Variants in KSR1 observed in about 807,000 individuals in gnomAD.
The protein encoded by KSR1 is kinase suppressor of ras.
A neutral mutation model predicts 92.9 loss-of-function variants in KSR1; 35 were observed. The observed-to-expected ratio is 0.38, with a 90% CI of 0.29 to 0.50. The LOEUF (loss-of-function observed/expected upper bound fraction) is 0.50, where lower values mean the gene tolerates loss of function less well. Among genes scored for constraint, KSR1 ranks in the 20% least tolerant of loss-of-function variants. The pLI is 0.94. For missense variants in KSR1, 972 were observed against 1,158.5 expected (o/e 0.84, Z 2.34); for synonymous variants, 467 against 472.6 (o/e 0.99, Z 0.15).
chr17:27,610,949 C>G (rs2073897229), intron 17 of KSR1, among the ~76,000 whole-genome samples: 1 of 152,082 alleles, frequency 6.6e-6, no homozygotes, highest in Non-Finnish European at 1.5e-5. Context: ...GGAGAAAGTC[C>G]CATCCCAAGT....
chr17:27,513,927 T>C (rs1386622688), intron 1 of KSR1, among the ~76,000 whole-genome samples: 1 of 152,222 alleles, frequency 6.6e-6, no homozygotes, highest in African/African-American at 2.4e-5. Context: ...CAAGTGGGTT[T>C]GGTGCCCTTC....
At chr17:27,478,217 G>A (rs1798498383) in intron 1 of KSR1, among the ~76,000 whole-genome samples, 1 of 152,174 alleles carries the variant, frequency 6.6e-6, no homozygotes, top group African/African-American at 2.4e-5. Flanking sequence ...TAACCTCACA[G>A]CATTCCTAGG....
intron 1 of KSR1, among the ~76,000 whole-genome samples, chr17:27,476,312 C>G (rs765676037): frequency 4.6e-5 from 7 of 152,302 alleles, no homozygotes; most frequent in Non-Finnish European, 1.0e-4. Flanking sequence ...GAGCCAGTCC[C>G]AGATTCTGCT....
chr17:27,607,437 C>T (rs958782294), intron 14 of KSR1, among the ~76,000 whole-genome samples: 7 of 152,126 alleles, frequency 4.6e-5, no homozygotes, highest in Non-Finnish European at 8.8e-5. Flanking sequence ...CTACCCCACC[C>T]CCTTTCCCTC....
intron 3 of KSR1, among the ~76,000 whole-genome samples, chr17:27,581,739 A>G (rs975751482): frequency 1.2e-4 from 19 of 152,158 alleles, no homozygotes; most frequent in African/African-American, 4.6e-4. Context: ...CGACTCTACA[A>G]GCACAAGGAT....
At position 27,582,841 on chromosome 17, in the gene KSR1, C is replaced by T. The variant is rs1598079065; in HGVS notation, c.716C>T (p.Pro239Leu). 1 of 1,613,568 alleles carries T rather than the reference C, an allele frequency of 6.2e-7. No individual in the cohort carries two copies. The highest frequency in any genetic ancestry group is 1.1e-5 in the South Asian group (1 of 91,038). The stretch of plus-strand genomic sequence containing the variant: ...TCAGCTCTGCCCGCCTCAGACTCCC[C>T]CACCCCCAGCTTCAGTGAGGGCCTC... ...SVSALPASDSPTPSFSEGLSD... is the reference protein window; with the variant it reads ...SVSALPASDSLTPSFSEGLSD... Residue 239 changes from proline (P) to leucine (L), a missense_variant, in exon 4 of 21, where the codon CCC becomes CTC. Physicochemically the swap from Pro to Leu is moderately conservative, Grantham distance 98 (BLOSUM62 -3). Coordinates refer to ENST00000644974, the MANE Select transcript of KSR1 (RefSeq NM_001394583.1).
intron 11 of KSR1, among the ~76,000 whole-genome samples, chr17:27,602,284 G>T (rs149553707): frequency 6.6e-6 from 1 of 152,144 alleles, no homozygotes; most frequent in Non-Finnish European, 1.5e-5. Flanking sequence ...CAGCAGTCAG[G>T]GCCCTGAGAA....
At chr17:27,622,712 A>T (rs957825902) in intron 20 of KSR1, 1 of 154,138 alleles carries the variant, frequency 6.5e-6, no homozygotes, top group African/African-American at 2.4e-5. Context: ...ACAGCTGCCC[A>T]GTGTACCATA....
Position 27,621,178 on chromosome 17 carries a change from GCT to G in KSR1, c.2628-14_2628-13del. On this transcript the variant is annotated splice_polypyrimidine_tract_variant and intron_variant, in intron 19 of 20. Coordinates refer to ENST00000644974, the MANE Select transcript of KSR1 (RefSeq NM_001394583.1). ...TCTTCCCACGCCTGGTGGAATGGTC[GCT>G]GGGCACTCCCAGTCGCTGGAGGAGC... 2 of 398,596 alleles carry G rather than the reference GCT, an allele frequency of 5.0e-6. No individual in the cohort carries two copies. The highest frequency in any genetic ancestry group is 8.8e-6 in the Non-Finnish European group (2 of 226,082). 24.7% of individuals were successfully genotyped at this position (398,596 alleles called of 1,614,324 possible). A position where few individuals can be genotyped will look rare whatever the true frequency, so the allele number is the denominator to read the frequency against.
chr17:27,513,264 A>G (rs921615384), intron 1 of KSR1, among the ~76,000 whole-genome samples: 1 of 152,018 alleles, frequency 6.6e-6, no homozygotes, highest in Non-Finnish European at 1.5e-5. Flanking sequence ...CCTGTTGAAC[A>G]TTTTGTTTGT....
intron 2 of KSR1, among the ~76,000 whole-genome samples, chr17:27,561,803 C>T (rs536970061): frequency 6.6e-6 from 1 of 152,272 alleles, no homozygotes; most frequent in South Asian, 2.1e-4. Flanking sequence ...AAATCATGAG[C>T]ATGAATGTCC....
chr17:27,540,056 A>G (rs575716535), intron 1 of KSR1, among the ~76,000 whole-genome samples: 1 of 152,384 alleles, frequency 6.6e-6, no homozygotes, highest in East Asian at 1.9e-4. Context: ...CCCAGGAAGC[A>G]TCATGGGTGC....
intron 4 of KSR1, among the ~76,000 whole-genome samples, chr17:27,584,542 A>C (rs914440035): frequency 1.3e-5 from 2 of 152,212 alleles, no homozygotes; most frequent in African/African-American, 4.8e-5. Flanking sequence ...AGTGGGCTCA[A>C]CCCAGTCCCT....
chr17:27,583,163 A>G, intron 4 of KSR1, 58 bp downstream of exon 4: 1 of 1,205,416 alleles, frequency 8.3e-7, no homozygotes, highest in Non-Finnish European at 1.1e-6. Context: ...CTAATCATAA[A>G]GATATATGGA....
chr17:27,525,528 A>G (rs142561460), intron 1 of KSR1, among the ~76,000 whole-genome samples: 145 of 152,324 alleles, frequency 9.5e-4, no homozygotes, highest in Admixed American at 3.9e-3. Context: ...TGCTGATTAT[A>G]TGTAGTACTG....
chr17:27,623,043 G>A (rs1204194928), intron 20 of KSR1: 1 of 511,496 alleles, frequency 2.0e-6, no homozygotes, highest in Non-Finnish European at 3.4e-6. Flanking sequence ...CAATTCCTAG[G>A]AACCCACAGC....
rs117254630 is a variant in KSR1 at position 27,607,665 on chromosome 17, T to C, written c.1995-249T>C. Among the ~76,000 whole-genome samples the C allele has an allele frequency of 7.4e-4, 113 of 152,274 alleles. 1 individual carries two copies. In the East Asian group the frequency reaches 0.014, roughly 19 times the overall value. On this transcript the variant is annotated intron_variant, in intron 14 of 20. Transcript: ENST00000644974. Reference sequence around the variant, plus strand: ...TGATGCACTGTTTCCTGTTGTAGGATGGGCAGGCACTGGCTCTCAGGGAAT... The same window carrying C: ...TGATGCACTGTTTCCTGTTGTAGGACGGGCAGGCACTGGCTCTCAGGGAAT...
rs780458288 is a variant in KSR1 at position 27,611,547 on chromosome 17, C to T, written c.2411C>T (p.Ala804Val). 6 of 1,613,802 alleles carry T rather than the reference C, an allele frequency of 3.7e-6. No homozygotes were observed. Among genetic ancestry groups the T allele is most frequent in the African/African-American group, 2.7e-5 (2 of 74,922 alleles). ...GACTGGCCCTTGAAGAACCAGGCTG[C>T]AGAGGCATCCATCTGGCAGATTGGA... ...ARDWPLKNQA[A>V]EASIWQIGSG... The change falls in exon 18 of 21, where the codon GCA (alanine) becomes GTA (valine). Residue 804 changes from alanine (A) to valine (V), a missense_variant. Ala to Val is a moderately conservative substitution (Grantham distance 64). This residue lies in a region of KSR1 where 260 missense variants were observed against 375.2 expected (regional missense o/e 0.69). Coordinates refer to ENST00000644974, the MANE Select transcript of KSR1 (RefSeq NM_001394583.1).
At chr17:27,486,438 AC>A (rs1377746843) in intron 1 of KSR1, among the ~76,000 whole-genome samples, 1 of 151,934 alleles carries the variant, frequency 6.6e-6, no homozygotes, top group Non-Finnish European at 1.5e-5. Context: ...AGTATGTGGA[AC>A]TCCCTAGTGG....
Sources: allele counts gnomAD v4.1 joint callset (sites outside exome capture counted in the v4.1 genomes callset), GRCh38; gene constraint gnomAD v4.1.1; regional missense constraint gnomAD v4.1.1; transcripts MANE v1.5; gene names NCBI Gene and HGNC (gene_info 2026-07-23, HGNC 2026-07-21).